Variants in ZCWPW2 observed in about 807,000 individuals in gnomAD.
The protein encoded by ZCWPW2 is zinc finger CW-type PWWP domain protein 2.
A neutral mutation model predicts 46.6 loss-of-function variants in ZCWPW2; 45 were observed. That is an observed-to-expected ratio of 0.96 (90% confidence interval 0.76 to 1.24). The LOEUF (loss-of-function observed/expected upper bound fraction) is 1.24, where lower values mean the gene tolerates loss of function less well. Ranked by LOEUF, ZCWPW2 falls within the 50% of genes most tolerant of loss-of-function variation. The pLI is 0.00. For synonymous variants in ZCWPW2, 152 were observed against 137.1 expected (o/e 1.11, Z -0.76); for missense variants, 429 against 403.9 (o/e 1.06, Z -0.53).
At chr3:28,411,946 G>T (rs1177034708) in intron 2 of ZCWPW2, among the ~76,000 whole-genome samples, 1 of 151,926 alleles carries the variant, frequency 6.6e-6, no homozygotes, top group African/African-American at 2.4e-5. Context: ...TATTACATTT[G>T]CATGAGTGGG....
chr3:28,452,590 G>T (rs982370509), intron 4 of ZCWPW2, among the ~76,000 whole-genome samples: 35 of 152,236 alleles, frequency 2.3e-4, no homozygotes, highest in African/African-American at 8.4e-4. Context: ...CACTGTGCCT[G>T]GCCACCTTAT....
At chr3:28,510,078 G>A (rs1483029969) in intron 6 of ZCWPW2, among the ~76,000 whole-genome samples, 2 of 152,140 alleles carry the variant, frequency 1.3e-5, no homozygotes, top group Non-Finnish European at 2.9e-5. Context: ...TTTTCTTACT[G>A]AATTGTCATG....
At chr3:28,433,817 G>A (rs1036429726) in intron 3 of ZCWPW2, among the ~76,000 whole-genome samples, 26 of 150,654 alleles carry the variant, frequency 1.7e-4, no homozygotes, top group African/African-American at 6.3e-4. Context: ...TCATCAGGTT[G>A]GTGGGAGGAT....
intron 5 of ZCWPW2, among the ~76,000 whole-genome samples, chr3:28,490,826 G>A (rs1446631740): frequency 1.3e-5 from 2 of 151,920 alleles, no homozygotes; most frequent in Non-Finnish European, 2.9e-5. Flanking sequence ...CATATACATT[G>A]TTTTATATCT....
intron 4 of ZCWPW2, among the ~76,000 whole-genome samples, chr3:28,472,201 C>A (rs1699064112): frequency 6.6e-6 from 1 of 152,082 alleles, no homozygotes; most frequent in Non-Finnish European, 1.5e-5. Flanking sequence ...CAATGACATC[C>A]TTCACAGAAA....
intron 6 of ZCWPW2, among the ~76,000 whole-genome samples, chr3:28,496,182 T>C (rs1699986967): frequency 1.3e-5 from 2 of 151,980 alleles, no homozygotes; most frequent in Non-Finnish European, 2.9e-5. Context: ...AAGGTAAAAG[T>C]GTAGTTACCG....
intron 7 of ZCWPW2, 142 bp from the exon 8 acceptor site, chr3:28,515,412 T>A: frequency 1.5e-6 from 1 of 663,686 alleles, no homozygotes; most frequent in South Asian, 2.0e-5. Context: ...CATACTTTGT[T>A]ACTACATAAA....
At chr3:28,407,561 T>G (rs1408282549) in intron 2 of ZCWPW2, among the ~76,000 whole-genome samples, 1 of 152,210 alleles carries the variant, frequency 6.6e-6, no homozygotes, top group Non-Finnish European at 1.5e-5. Flanking sequence ...ATCAGAGATT[T>G]TGAGTGGTTA....
At chr3:28,501,266 C>T (rs1363933979) in intron 6 of ZCWPW2, among the ~76,000 whole-genome samples, 1 of 152,144 alleles carries the variant, frequency 6.6e-6, no homozygotes, top group Non-Finnish European at 1.5e-5. Context: ...CATCAGGTTA[C>T]TTCAAGTTAC....
At chr3:28,520,738 T>A (rs887966819) in intron 8 of ZCWPW2, among the ~76,000 whole-genome samples, 6 of 152,194 alleles carry the variant, frequency 3.9e-5, no homozygotes, top group Non-Finnish European at 7.3e-5. Flanking sequence ...GCTTTTGATA[T>A]TTCACTTCTA....
At chr3:28,407,586 T>G (rs1451672452) in intron 2 of ZCWPW2, among the ~76,000 whole-genome samples, 2 of 152,170 alleles carry the variant, frequency 1.3e-5, no homozygotes, top group African/African-American at 2.4e-5. Flanking sequence ...ATTTGCCTAG[T>G]AAAGAGTGGT....
chr3:28,396,596 T>C (rs951915273), intron 2 of ZCWPW2, among the ~76,000 whole-genome samples: 5 of 152,162 alleles, frequency 3.3e-5, no homozygotes, highest in African/African-American at 9.6e-5. Context: ...AAGACAGTGG[T>C]GATACAGATA....
At chr3:28,481,547 A>C (rs914330967) in intron 5 of ZCWPW2, among the ~76,000 whole-genome samples, 2 of 152,128 alleles carry the variant, frequency 1.3e-5, no homozygotes, top group African/African-American at 4.8e-5. Flanking sequence ...ATTAAACTTA[A>C]ATATGTTTAA....
intron 1 of ZCWPW2, among the ~76,000 whole-genome samples, chr3:28,351,877 T>C (rs1008098931): frequency 3.3e-5 from 5 of 152,304 alleles, no homozygotes; most frequent in African/African-American, 1.2e-4. Flanking sequence ...TCAGCTTCAG[T>C]GTCATTCCAT....
intron 4 of ZCWPW2, among the ~76,000 whole-genome samples, chr3:28,463,396 G>A (rs1027043183): frequency 2.0e-5 from 3 of 151,906 alleles, no homozygotes; most frequent in African/African-American, 7.3e-5. Flanking sequence ...CTAGGTTCTT[G>A]GAAGTTTTTA....
At chr3:28,483,645 C>T (rs1298776327) in intron 5 of ZCWPW2, among the ~76,000 whole-genome samples, 1 of 151,966 alleles carries the variant, frequency 6.6e-6, no homozygotes, top group Non-Finnish European at 1.5e-5. Flanking sequence ...TTATTTAGTT[C>T]TTTTTTGATT....
intron 6 of ZCWPW2, among the ~76,000 whole-genome samples, chr3:28,498,822 T>TC (rs2125822664): frequency 6.6e-6 from 1 of 152,116 alleles, no homozygotes; most frequent in East Asian, 1.9e-4. Context: ...CCAACAGGCC[T>TC]CAGTGTGTGA....
At chr3:28,448,351 A>G (rs1698078258) in intron 4 of ZCWPW2, among the ~76,000 whole-genome samples, 1 of 152,204 alleles carries the variant, frequency 6.6e-6, no homozygotes, top group East Asian at 1.9e-4. Flanking sequence ...CATCAAAAAG[A>G]ACAAACTACC....
At position 28,435,140 on chromosome 3, in the gene ZCWPW2, T is replaced by G; in HGVS notation, c.363T>G (p.Phe121Leu). 1.2e-6 allele frequency: 2 copies of G among 1,612,198 alleles called. No homozygotes were observed. Among genetic ancestry groups the G allele is most frequent in the Non-Finnish European group, 1.7e-6 (2 of 1,179,658 alleles). Reference protein sequence around the residue: ...SWPGILCPDRFKGKYVTYDPD... With the variant: ...SWPGILCPDRLKGKYVTYDPD... ...CAGGAATACTTTGCCCTGACCGTTT[T>G]AAAGGGAAATATGTAACTTATGACC... Residue 121 changes from phenylalanine (F) to leucine (L), a missense_variant, in exon 4 of 10, where the codon TTT becomes TTG. Transcript: ENST00000383768.
Sources: allele counts gnomAD v4.1 joint callset (sites outside exome capture counted in the v4.1 genomes callset), GRCh38; gene constraint gnomAD v4.1.1; transcripts MANE v1.5; gene names NCBI Gene and HGNC (gene_info 2026-07-23, HGNC 2026-07-21).